QSER1: variants seen among roughly 807,000 people sequenced by gnomAD.
QSER1 encodes the protein glutamine and serine rich 1.
A neutral mutation model predicts 158.5 loss-of-function variants in QSER1; 49 were observed. The observed-to-expected ratio is 0.31, with a 90% CI of 0.25 to 0.39. The LOEUF is 0.39. QSER1 is among the 10% of genes least tolerant of loss of function. The pLI, the probability that QSER1 is intolerant of heterozygous loss-of-function variation, is 1.00. For missense variants in QSER1, 1,754 were observed against 2,010.3 expected, an observed-to-expected ratio of 0.87 and a Z score of 2.44; for synonymous variants, 650 against 715.5, an observed-to-expected ratio of 0.91 and a Z score of 1.46.
At chr11:32,941,416 G>C (rs980579385) in intron 4 of QSER1, among the ~76,000 whole-genome samples, 2 of 126,606 alleles carry the variant, frequency 1.6e-5, no homozygotes, top group Non-Finnish European at 3.1e-5. Flanking sequence ...AGAGTGTGAT[G>C]TTCCCCTTCC....
Position 32,893,106 on chromosome 11 carries a change from C to A in QSER1, c.-20C>A. On this transcript the variant is annotated 5_prime_UTR_variant, in exon 1 of 13. Coordinates refer to ENST00000650167, the MANE Select transcript of QSER1 (RefSeq NM_001076786.3). This position sits in a 1 kb window ranked among gnomAD's most constrained non-coding sequence, Gnocchi z 4.7. ...GGAGGATCCCCCGCTGCTGCCCGCC[C>A]TCCCTACGCCACCCCCACGATGGAC... The A allele has an allele frequency of 7.2e-6, 1 of 139,540 alleles. No individual in the cohort carries two copies. Among genetic ancestry groups the A allele is most frequent in the South Asian group, 1.9e-4 (1 of 5,144 alleles). 8.6% of individuals were successfully genotyped at this position (139,540 alleles called of 1,614,324 possible). A position where few individuals can be genotyped will look rare whatever the true frequency, so the allele number is the denominator to read the frequency against.
chr11:32,971,033 A>G (rs1464904474), intron 10 of QSER1, among the ~76,000 whole-genome samples: 3 of 138,474 alleles, frequency 2.2e-5, no homozygotes, highest in African/African-American at 8.3e-5. Flanking sequence ...GCCCACTGCA[A>G]CCTCCTCCTC....
chr11:32,953,500 CACA>C (rs1852458731), intron 4 of QSER1, among the ~76,000 whole-genome samples: 1 of 152,080 alleles, frequency 6.6e-6, no homozygotes, highest in Non-Finnish European at 1.5e-5. Context: ...ACTACAGGCA[CACA>C]ACACTATGCT....
chr11:32,931,994 C>T lies in QSER1; in HGVS notation c.736C>T (p.Arg246Cys). The T allele has an allele frequency of 3.1e-6, 5 of 1,614,182 alleles. No individual in the cohort carries two copies. The highest frequency in any genetic ancestry group is 3.4e-6 in the Non-Finnish European group (4 of 1,180,030). The change falls in exon 4 of 13, where the codon CGC (arginine) becomes TGC (cysteine). Residue 246 changes from arginine to cysteine, a missense_variant. By Grantham distance (180) the Arg-to-Cys change is radical. Coordinates refer to ENST00000650167, the MANE Select transcript of QSER1 (RefSeq NM_001076786.3). Reference protein sequence around the residue: ...GTVPTALAFERLGSSVLSNSI... With the variant: ...GTVPTALAFECLGSSVLSNSI... ...TGTTCCAACTGCTTTGGCATTTGAG[C>T]GCCTGGGCAGTTCTGTATTAAGTAA...
Position 32,934,740 on chromosome 11 carries a change from G to A in QSER1, c.3482G>A (p.Ser1161Asn). The change falls in exon 4 of 13, where the codon AGT becomes AAT. Residue 1161 changes from serine to asparagine, a missense_variant. Coordinates refer to ENST00000650167, the MANE Select transcript of QSER1 (RefSeq NM_001076786.3). The part of the protein sequence containing the change: ...ESEFTLGGDD[S>N]GVSMNPARSA... ...GAATTTACCTTAGGGGGTGACGACA[G>A]TGGTGTGTCAATGAACCCAGCTAGG... 1 of 1,613,934 alleles carries A rather than the reference G, an allele frequency of 6.2e-7. No homozygotes were observed. Among genetic ancestry groups the A allele is most frequent in the Non-Finnish European group, 8.5e-7 (1 of 1,179,940 alleles).
chr11:32,894,391 A>C (rs1007094295), intron 1 of QSER1, among the ~76,000 whole-genome samples: 1 of 152,152 alleles, frequency 6.6e-6, no homozygotes, highest in Non-Finnish European at 1.5e-5. Context: ...GCAGCTTCTG[A>C]TTACATGGAC....
At chr11:32,974,209 C>T (rs1852928417) in intron 11 of QSER1, among the ~76,000 whole-genome samples, 1 of 152,102 alleles carries the variant, frequency 6.6e-6, no homozygotes, top group South Asian at 2.1e-4. Context: ...TCACTTGAGT[C>T]CAGGTGTTCG....
chr11:32,972,238 AT>A (rs1342376986), intron 10 of QSER1, among the ~76,000 whole-genome samples: 1 of 151,968 alleles, frequency 6.6e-6, no homozygotes, highest in Non-Finnish European at 1.5e-5. Context: ...GGACTTCAAC[AT>A]TTTTAGTGTC....
At chr11:32,907,854 T>G (rs1307432760) in intron 1 of QSER1, among the ~76,000 whole-genome samples, 1 of 152,188 alleles carries the variant, frequency 6.6e-6, no homozygotes, top group East Asian at 1.9e-4. Flanking sequence ...TCCCAGCACT[T>G]TGGGAGGCCA....
Position 32,902,929 on chromosome 11 carries a change from A to T in QSER1, c.209+9595A>T, listed in dbSNP as rs148792301. Among the ~76,000 whole-genome samples, 289 of 152,318 alleles carry T rather than the reference A, an allele frequency of 1.9e-3. 1 individual carries two copies. The highest frequency in any genetic ancestry group is 6.4e-3 in the African/African-American group (265 of 41,580). ...TCCAATATCGTTGCTAGTAAGTGGC[A>T]GAGGCAGGATTTGAACCCAGGAGGT... On this transcript the variant is annotated intron_variant, in intron 1 of 12. Transcript: ENST00000650167.
rs1852126416 is a variant in QSER1, at chr11:32,935,060, G to A, written c.3802G>A (p.Glu1268Lys). The A allele has an allele frequency of 2.5e-6, 4 of 1,613,956 alleles. No individual in the cohort carries two copies. Among genetic ancestry groups the A allele is most frequent in the Non-Finnish European group, 3.4e-6 (4 of 1,180,008 alleles). ...AATGAGACAGAAGATCAAAGAGGTG[G>A]AGGAAAAACAACCAGAAGTCAAAAC... ...EKMRQKIKEV[E>K]EKQPEVKTGF... is the part of the protein sequence containing the mutation. Residue 1268 changes from glutamate to lysine, a missense_variant, in exon 4 of 13, where the codon GAG becomes AAG. By Grantham distance (56) the Glu-to-Lys change is moderately conservative (BLOSUM62 1). Transcript: ENST00000650167.
intron 6 of QSER1, 146 bp downstream of exon 6, chr11:32,955,558 G>A: frequency 1.9e-6 from 1 of 522,904 alleles, no homozygotes; most frequent in South Asian, 3.2e-5. Flanking sequence ...CTCTTTGATA[G>A]TCTAATATAA....
rs1201512358 is a variant in QSER1 at position 32,934,550 on chromosome 11, G to A, written c.3292G>A (p.Val1098Ile). Reference protein sequence around the residue: ...TSAVVGPSHEVQEQSSGPFKK... With the variant: ...TSAVVGPSHEIQEQSSGPFKK... ...AGCAGTGGTTGGACCAAGTCATGAA[G>A]TCCAGGAGCAAAGTTCTGGCCCATT... The change falls in exon 4 of 13, where the codon GTC becomes ATC. Residue 1098 changes from valine (V) to isoleucine (I), a missense_variant. Val to Ile is a conservative substitution (Grantham distance 29). Coordinates refer to ENST00000650167, the MANE Select transcript of QSER1 (RefSeq NM_001076786.3). The A allele has an allele frequency of 1.2e-6, 2 of 1,613,526 alleles. No homozygotes were observed. The highest frequency in any genetic ancestry group is 2.2e-5 in the South Asian group (2 of 91,036).
intron 4 of QSER1, among the ~76,000 whole-genome samples, chr11:32,942,870 G>A (rs1231681344): frequency 1.3e-5 from 2 of 152,132 alleles, no homozygotes; most frequent in Non-Finnish European, 2.9e-5. Context: ...CATGAGCATG[G>A]AATGTTCTTC....
intron 8 of QSER1, among the ~76,000 whole-genome samples, chr11:32,959,445 G>A (rs1017696302): frequency 1.3e-5 from 2 of 152,172 alleles, no homozygotes; most frequent in Non-Finnish European, 2.9e-5. Flanking sequence ...TCCTTAGAGG[G>A]ATTTATAAGG....
At chr11:32,913,471 G>A (rs553940308) in intron 1 of QSER1, among the ~76,000 whole-genome samples, 48 of 151,782 alleles carry the variant, frequency 3.2e-4, no homozygotes, top group African/African-American at 1.1e-3. Flanking sequence ...GGGATTACAG[G>A]TGCGAGCTAC....
chr11:32,895,030 G>A (rs949677354), intron 1 of QSER1, among the ~76,000 whole-genome samples: 11 of 152,168 alleles, frequency 7.2e-5, no homozygotes, highest in African/African-American at 2.4e-4. Context: ...TTAGGTAAAT[G>A]GAACTGAAAT....
At chr11:32,955,685 T>A (rs1179197487) in intron 6 of QSER1, among the ~76,000 whole-genome samples, 1 of 152,186 alleles carries the variant, frequency 6.6e-6, no homozygotes. Flanking sequence ...GAGTTCAGAT[T>A]GACTCAGAGG....
At chr11:32,912,908 G>A (rs1037217461) in intron 1 of QSER1, among the ~76,000 whole-genome samples, 4 of 152,068 alleles carry the variant, frequency 2.6e-5, no homozygotes, top group African/African-American at 7.2e-5. Context: ...GCAAGTCCCT[G>A]TCTCAAAAAA....
Sources: gnomAD v4.1 joint callset for allele counts (sites outside exome capture counted in the v4.1 genomes callset) on GRCh38, gnomAD v4.1.1 for gene constraint, Gnocchi (gnomAD v3.1) non-coding constraint, MANE v1.5 for transcripts, NCBI Gene and HGNC (gene_info 2026-07-23, HGNC 2026-07-21) for gene names.